GPC3: variants seen among roughly 807,000 people sequenced by gnomAD.
GPC3 encodes the protein glypican-3.
Under a neutral mutation model 34.4 loss-of-function variants are expected in GPC3, and 3 were observed. That is an observed-to-expected ratio of 0.09 (90% confidence interval 0.04 to 0.23). The LOEUF (loss-of-function observed/expected upper bound fraction) is 0.23. Ranked by LOEUF, GPC3 falls within the 10% of genes least tolerant of loss-of-function variation. The pLI is 1.00. For missense variants in GPC3, 351 were observed against 445.6 expected, an observed-to-expected ratio of 0.79 and a Z score of 1.91; for synonymous variants, 177 against 174.0, an observed-to-expected ratio of 1.02 and a Z score of -0.13.
chrX:133,709,016 C>T (rs187832049), intron 3 of GPC3, among the ~76,000 whole-genome samples: 2 of 111,910 alleles, frequency 1.8e-5, no homozygotes, highest in Non-Finnish European at 1.9e-5. Flanking sequence ...TTAGTTACTT[C>T]AATTTTTTAT....
intron 2 of GPC3, among the ~76,000 whole-genome samples, chrX:133,828,764 G>T (rs762214409): frequency 9.1e-6 from 1 of 110,213 alleles, no homozygotes; most frequent in Non-Finnish European, 1.9e-5. Flanking sequence ...GAGATCTATC[G>T]CACAGCATGG....
intron 2 of GPC3, among the ~76,000 whole-genome samples, chrX:133,923,679 T>C (rs1334134666): frequency 8.9e-6 from 1 of 112,301 alleles, no homozygotes; most frequent in Non-Finnish European, 1.9e-5. Context: ...ACAACTGGAT[T>C]ACAACAGCTG....
At chrX:133,757,481 G>A (rs1265781236) in intron 2 of GPC3, among the ~76,000 whole-genome samples, 1 of 111,780 alleles carries the variant, frequency 8.9e-6, no homozygotes, top group African/African-American at 3.3e-5. Flanking sequence ...CAAAATGACT[G>A]TCTTTAGTAT....
At chrX:133,801,755 G>A (rs2075611024) in intron 2 of GPC3, among the ~76,000 whole-genome samples, 1 of 112,126 alleles carries the variant, frequency 8.9e-6, no homozygotes, top group African/African-American at 3.2e-5. Flanking sequence ...GATACATTTT[G>A]TCAAGGCTGT....
chrX:133,734,962 T>C (rs755431689), intron 3 of GPC3, among the ~76,000 whole-genome samples: 1 of 111,782 alleles, frequency 8.9e-6, no homozygotes, highest in Non-Finnish European at 1.9e-5. Flanking sequence ...CAAAACATCA[T>C]TGAAAGAAAT....
chrX:133,963,508 G>A lies in GPC3; in HGVS notation c.176-10297C>T, dbSNP rs185234607. On this transcript the variant is annotated intron_variant, in intron 1 of 7. Coordinates refer to ENST00000370818, the MANE Select transcript of GPC3 (RefSeq NM_004484.4). The stretch of plus-strand genomic sequence containing the variant: ...CCTCCATTTCCTGCTTCCCTGTTTC[G>A]CTCATGCTTTTCCTGTCTCTGAAGC... 5.5e-5 allele frequency among the ~76,000 whole-genome samples: 6 copies of A among 109,236 alleles called. No homozygotes were observed. In the East Asian group the frequency reaches 1.2e-3, roughly 21 times the overall value. 94.9% of individuals were successfully genotyped at this position (109,236 alleles called of 115,157 possible). A position where few individuals can be genotyped will look rare whatever the true frequency, so the allele number is the denominator to read the frequency against.
intron 2 of GPC3, among the ~76,000 whole-genome samples, chrX:133,837,155 A>G (rs962349647): frequency 1.8e-5 from 2 of 111,493 alleles, no homozygotes; most frequent in East Asian, 5.6e-4. Context: ...CTGTAATGCA[A>G]CCCAGTGAGT....
intron 6 of GPC3, among the ~76,000 whole-genome samples, chrX:133,605,134 T>C (rs1417110248): frequency 9.3e-6 from 1 of 107,382 alleles, no homozygotes; most frequent in Non-Finnish European, 1.9e-5. Context: ...CCCAAATGTA[T>C]AGGCCTAGAA....
chrX:133,575,059 G>A (rs760308832), intron 7 of GPC3, among the ~76,000 whole-genome samples: 1 of 111,935 alleles, frequency 8.9e-6, no homozygotes, highest in South Asian at 3.8e-4. Flanking sequence ...CATGGCCTTT[G>A]GAGCCAAAAA....
chrX:133,808,108 C>T (rs1359896288), intron 2 of GPC3, among the ~76,000 whole-genome samples: 1 of 112,424 alleles, frequency 8.9e-6, no homozygotes, highest in Non-Finnish European at 1.9e-5. Flanking sequence ...AAGGCTAAGG[C>T]ACTACAGTGA....
intron 2 of GPC3, among the ~76,000 whole-genome samples, chrX:133,779,502 G>A (rs766806916): frequency 1.8e-5 from 2 of 111,653 alleles, no homozygotes; most frequent in Non-Finnish European, 3.8e-5. Flanking sequence ...AATTGTACCT[G>A]CCCTAAGAGG....
intron 6 of GPC3, among the ~76,000 whole-genome samples, chrX:133,615,816 T>C (rs2070156828): frequency 9.2e-6 from 1 of 109,210 alleles, no homozygotes; most frequent in Non-Finnish European, 1.9e-5. Context: ...CACATGATTA[T>C]CACAATAGAT....
intron 2 of GPC3, among the ~76,000 whole-genome samples, chrX:133,786,813 G>A (rs762773842): frequency 6.3e-5 from 7 of 111,087 alleles, no homozygotes; most frequent in Admixed American, 5.7e-4. Flanking sequence ...ATGTGTCTGC[G>A]TGCCTAAATT....
At chrX:133,719,337 G>A (rs1479461066) in intron 3 of GPC3, among the ~76,000 whole-genome samples, 1 of 111,654 alleles carries the variant, frequency 9.0e-6, no homozygotes, top group African/African-American at 3.3e-5. Context: ...ATAACCAATG[G>A]GCCAAAGATG....
At position 133,630,448 on chromosome X, in the gene GPC3, C is replaced by T. The variant is rs765715553; in HGVS notation, c.1413+31282G>A. Among the ~76,000 whole-genome samples the T allele has an allele frequency of 8.0e-5, 9 of 112,041 alleles. No individual in the cohort carries two copies. In the East Asian group the frequency reaches 2.5e-3, roughly 31 times the overall value. On this transcript the variant is annotated intron_variant, in intron 6 of 7. Transcript: ENST00000370818. ...CCTAGAGAATTATCTTTCCCTTGAC[C>T]TGAATTCTGTCCATCCAGAGTTTCC... is the stretch of plus-strand genomic sequence containing the variant.
intron 5 of GPC3, among the ~76,000 whole-genome samples, chrX:133,670,641 T>C (rs1007991718): frequency 1.8e-5 from 2 of 112,155 alleles, no homozygotes; most frequent in Non-Finnish European, 3.8e-5. Context: ...ACTCAGTGAT[T>C]TATCTGTTTC....
chrX:133,814,332 G>A (rs1450172707), intron 2 of GPC3, among the ~76,000 whole-genome samples: 2 of 110,730 alleles, frequency 1.8e-5, no homozygotes, highest in African/African-American at 6.6e-5. Flanking sequence ...CATACTTTGC[G>A]GGGCTCCTTG....
intron 3 of GPC3, among the ~76,000 whole-genome samples, chrX:133,702,429 T>C (rs2071175158): frequency 2.7e-5 from 3 of 111,662 alleles, no homozygotes; most frequent in African/African-American, 9.8e-5. Context: ...GACCTACACC[T>C]GTTCCCAGTC....
chrX:133,909,705 C>G (rs978019185), intron 2 of GPC3, among the ~76,000 whole-genome samples: 1 of 111,398 alleles, frequency 9.0e-6, no homozygotes, highest in Non-Finnish European at 1.9e-5. Context: ...CCTAATAAAC[C>G]TATTCCCTCA....
Sources: gnomAD v4.1 joint callset for allele counts (sites outside exome capture counted in the v4.1 genomes callset) on GRCh38, gnomAD v4.1.1 for gene constraint, MANE v1.5 for transcripts, NCBI Gene and HGNC (gene_info 2026-07-23, HGNC 2026-07-21) for gene names.